RNF13: variants seen among roughly 807,000 people sequenced by gnomAD.
The protein encoded by RNF13 is E3 ubiquitin-protein ligase RNF13.
RNF13 carries 19 observed loss-of-function variants against 37.7 expected under a neutral mutation model. The observed-to-expected ratio is 0.50, with a 90% CI of 0.35 to 0.74. The LOEUF is 0.74. RNF13 is among the 30% of genes least tolerant of loss of function. The probability of loss-of-function intolerance (pLI) is 0.01; values close to 1 mark genes in which losing one functional copy is unlikely to be tolerated. For synonymous variants in RNF13, 144 were observed against 157.8 expected, an observed-to-expected ratio of 0.91 and a Z score of 0.65; for missense variants, 375 against 453.0, an observed-to-expected ratio of 0.83 and a Z score of 1.56.
chr3:149,845,923 T>C, intron 1 of RNF13, 88 bp from the exon 2 acceptor site: 3 of 647,816 alleles, frequency 4.6e-6, no homozygotes, highest in Non-Finnish European at 8.1e-6. Flanking sequence ...AAAAGGGATA[T>C]TTTTGGACAT....
chr3:149,823,990 G>T (rs888644979), intron 1 of RNF13, among the ~76,000 whole-genome samples: 1 of 152,130 alleles, frequency 6.6e-6, no homozygotes, highest in African/African-American at 2.4e-5. Context: ...GGCAGGAAAA[G>T]TACAAGGCAG....
intron 3 of RNF13, among the ~76,000 whole-genome samples, chr3:149,853,466 GA>G (rs1334124487): frequency 1.9e-5 from 2 of 105,646 alleles, no homozygotes; most frequent in Admixed American, 8.6e-5. Context: ...GAGAGAGAGA[GA>G]GAGAGAGAGA....
chr3:149,890,501 GT>G (rs1232509451), intron 4 of RNF13, among the ~76,000 whole-genome samples: 2 of 152,064 alleles, frequency 1.3e-5, no homozygotes, highest in African/African-American at 4.8e-5. Flanking sequence ...TGTTTTAAGT[GT>G]TTTTCATATA....
chr3:149,845,122 T>C (rs1722523902), intron 1 of RNF13, among the ~76,000 whole-genome samples: 1 of 152,210 alleles, frequency 6.6e-6, no homozygotes, highest in African/African-American at 2.4e-5. Flanking sequence ...TTACTTCCAG[T>C]GTGTGAGTCA....
At chr3:149,821,680 A>C (rs1019661559) in intron 1 of RNF13, among the ~76,000 whole-genome samples, 1 of 151,770 alleles carries the variant, frequency 6.6e-6, no homozygotes, top group Non-Finnish European at 1.5e-5. Context: ...GATGAAGTCC[A>C]TTTTATTTAT....
intron 8 of RNF13, among the ~76,000 whole-genome samples, chr3:149,955,764 A>G (rs1483356098): frequency 6.6e-6 from 1 of 152,124 alleles, no homozygotes. Context: ...CTGAATCTTC[A>G]ATCTCTTTTA....
intron 8 of RNF13, among the ~76,000 whole-genome samples, chr3:149,942,242 T>C (rs73009650): frequency 0.022 from 3,378 of 152,258 alleles, 117 homozygotes; most frequent in African/African-American, 0.075. Context: ...AAAAATGTCA[T>C]TGGTATTTTG....
At chr3:149,899,226 G>T (rs1274097750) in intron 5 of RNF13, among the ~76,000 whole-genome samples, 1 of 152,148 alleles carries the variant, frequency 6.6e-6, no homozygotes, top group African/African-American at 2.4e-5. Flanking sequence ...CGGGAGGATT[G>T]CCTGAGCTTA....
At chr3:149,882,276 G>A (rs59234442) in intron 4 of RNF13, among the ~76,000 whole-genome samples, 3,980 of 147,608 alleles carry the variant, frequency 0.027, 68 homozygotes, top group South Asian at 0.034. Flanking sequence ...GTGTGCTTTC[G>A]TGGAGGGTGG....
At chr3:149,879,444 G>A (rs1466630724) in intron 4 of RNF13, among the ~76,000 whole-genome samples, 1 of 151,790 alleles carries the variant, frequency 6.6e-6, no homozygotes, top group Non-Finnish European at 1.5e-5. Flanking sequence ...AAGTAGCTAG[G>A]ACTATATGCA....
chr3:149,939,650 C>G (rs967480618), intron 8 of RNF13: 166 of 668,704 alleles, frequency 2.5e-4, no homozygotes, highest in Non-Finnish European at 4.7e-5. Context: ...GCTCCAGTCC[C>G]TGAAATCACC....
intron 8 of RNF13, among the ~76,000 whole-genome samples, chr3:149,938,375 C>T (rs1203909427): frequency 6.6e-6 from 1 of 151,670 alleles, no homozygotes; most frequent in Non-Finnish European, 1.5e-5. Context: ...GATGGGGTTT[C>T]ACTATGTTGG....
In RNF13 at chr3:149,961,301, G is replaced by C. The variant is rs1722394453; in HGVS notation, c.*197G>C. On this transcript the variant is annotated 3_prime_UTR_variant, in exon 10 of 10. Coordinates refer to ENST00000392894, the MANE Select transcript of RNF13 (RefSeq NM_183381.3). ...ATACTTCATTCACTAATAATAGACT[G>C]GTGCTGTAACTCAAGCATCAATTCA... is the stretch of plus-strand genomic sequence containing the variant. 2 of 681,876 alleles carry C rather than the reference G, an allele frequency of 2.9e-6. No individual in the cohort carries two copies. Among genetic ancestry groups the C allele is most frequent in the African/African-American group, 3.6e-5 (2 of 55,838 alleles). 42.2% of individuals were successfully genotyped at this position (681,876 alleles called of 1,614,324 possible).
At chr3:149,936,158 C>T (rs982535391) in intron 8 of RNF13, among the ~76,000 whole-genome samples, 2 of 151,180 alleles carry the variant, frequency 1.3e-5, no homozygotes, top group African/African-American at 4.9e-5. Context: ...TGCTTTTATG[C>T]TCCTCTTTTT....
At chr3:149,856,857 C>T (rs528172642) in intron 3 of RNF13, among the ~76,000 whole-genome samples, 137 of 152,296 alleles carry the variant, frequency 9.0e-4, no homozygotes, top group African/African-American at 3.1e-3. Context: ...ACGCCATTCT[C>T]CTGCCTCAGC....
intron 8 of RNF13, among the ~76,000 whole-genome samples, chr3:149,954,211 C>T (rs1721630952): frequency 6.6e-6 from 1 of 151,292 alleles, no homozygotes; most frequent in Non-Finnish European, 1.5e-5. Context: ...AAAAAAAAAA[C>T]CTTTGGTTGT....
intron 3 of RNF13, among the ~76,000 whole-genome samples, chr3:149,857,928 G>A (rs1723817632): frequency 2.0e-5 from 3 of 152,194 alleles, no homozygotes; most frequent in Non-Finnish European, 2.9e-5. Context: ...GGAAGGTGGG[G>A]CCCAGTGGGA....
chr3:149,823,112 G>C (rs1266000364), intron 1 of RNF13, among the ~76,000 whole-genome samples: 1 of 152,030 alleles, frequency 6.6e-6, no homozygotes, highest in African/African-American at 2.4e-5. Flanking sequence ...TATTTAAGAG[G>C]TAAGTATTAC....
At chr3:149,855,666 T>A (rs1053026001) in intron 3 of RNF13, among the ~76,000 whole-genome samples, 1 of 151,788 alleles carries the variant, frequency 6.6e-6, no homozygotes, top group African/African-American at 2.4e-5. Flanking sequence ...GTTATTTCTC[T>A]AGGATAGAGG....
Sources: allele counts gnomAD v4.1 joint callset (sites outside exome capture counted in the v4.1 genomes callset), GRCh38; gene constraint gnomAD v4.1.1; transcripts MANE v1.5; gene names NCBI Gene and HGNC (gene_info 2026-07-23, HGNC 2026-07-21).